TANC2: variants seen among roughly 807,000 people sequenced by gnomAD.
TANC2 encodes the protein tetratricopeptide repeat, ankyrin repeat and coiled-coil containing 2.
In TANC2, 26 loss-of-function variants were observed where a neutral mutation model predicts 210.5. The ratio of observed to expected loss-of-function variants is 0.12; its 90% confidence interval spans 0.09 to 0.17. The LOEUF (loss-of-function observed/expected upper bound fraction) is 0.17, where lower values mean the gene tolerates loss of function less well. Among genes scored for constraint, TANC2 ranks in the 10% least tolerant of loss-of-function variants. The pLI is 1.00. For synonymous variants in TANC2, 931 were observed against 967.1 expected (o/e 0.96, Z 0.69); for missense variants, 2,129 against 2,608.9 (o/e 0.82, Z 4.01).
chr17:63,321,849 G>A (rs1329893510), intron 11 of TANC2, among the ~76,000 whole-genome samples: 3 of 152,134 alleles, frequency 2.0e-5, no homozygotes, highest in African/African-American at 7.2e-5. Context: ...GGGCAGGGCA[G>A]GGATGGGAAT....
chr17:63,417,187 G>A (rs1185518613), intron 26 of TANC2, among the ~76,000 whole-genome samples: 1 of 152,118 alleles, frequency 6.6e-6, no homozygotes, highest in Non-Finnish European at 1.5e-5. Context: ...AACACCAGAC[G>A]TCTGTCTTCT....
chr17:63,381,342 C>G (rs926914505), intron 15 of TANC2: 1 of 152,176 alleles, frequency 6.6e-6, no homozygotes, highest in Admixed American at 6.5e-5. Flanking sequence ...CTCTAGTGTA[C>G]AGCATATGGT....
intron 21 of TANC2, among the ~76,000 whole-genome samples, chr17:63,407,098 G>A (rs974231118): frequency 3.3e-5 from 5 of 152,188 alleles, no homozygotes; most frequent in African/African-American, 1.2e-4. Context: ...GAGCAGCTGA[G>A]GGTAGTTTAA....
chr17:63,420,907 G>A lies in TANC2; in HGVS notation c.5177G>A (p.Ser1726Asn), dbSNP rs369166403. 2.5e-6 allele frequency: 4 copies of A among 1,614,038 alleles called. No homozygotes were observed. Among genetic ancestry groups the A allele is most frequent in the Non-Finnish European group, 3.4e-6 (4 of 1,179,900 alleles). ...GGCCAAGTAGCCCATTCAATGGCCAGTAAATACCAGTCTTCACAAGGAGAC... is the reference window on the plus strand; with the variant it reads ...GGCCAAGTAGCCCATTCAATGGCCAATAAATACCAGTCTTCACAAGGAGAC... Residue 1726 changes from serine (S) to asparagine (N), a missense_variant, in exon 28 of 28, where the codon AGT becomes AAT. Around this residue, in one of 5 missense-constraint regions of TANC2, gnomAD observed 584 missense variants for 627.3 expected, o/e 0.93. Coordinates refer to ENST00000689528, the Ensembl canonical transcript of TANC2. The surrounding 1 kb of genome is among the most constrained non-coding windows in gnomAD (Gnocchi z 4.2).
chr17:63,111,600 A>T (rs948287230), intron 4 of TANC2, among the ~76,000 whole-genome samples: 2 of 151,926 alleles, frequency 1.3e-5, no homozygotes, highest in South Asian at 4.1e-4. Flanking sequence ...TTCATCTTTG[A>T]TTATTTCCCC....
intron 7 of TANC2, among the ~76,000 whole-genome samples, chr17:63,230,397 C>G (rs2042444459): frequency 6.6e-6 from 1 of 152,034 alleles, no homozygotes. Context: ...TGAGATCTTT[C>G]TAGCTTTCGA....
chr17:63,062,831 A>T (rs1034266575), intron 2 of TANC2, among the ~76,000 whole-genome samples: 20 of 152,158 alleles, frequency 1.3e-4, no homozygotes, highest in Non-Finnish European at 2.4e-4. Flanking sequence ...CTGTGACCAG[A>T]TGTGTGGGGG....
At chr17:63,318,766 C>T (rs559061857) in intron 10 of TANC2, among the ~76,000 whole-genome samples, 191 bp from the exon 11 acceptor site, 103 of 152,238 alleles carry the variant, frequency 6.8e-4, no homozygotes, top group Middle Eastern at 6.8e-3. Context: ...GTTGTTTCCA[C>T]TTTTGGCTAT....
intron 2 of TANC2, among the ~76,000 whole-genome samples, chr17:63,056,282 A>G (rs927493360): frequency 2.6e-5 from 4 of 151,016 alleles, no homozygotes; most frequent in Admixed American, 6.6e-5. Context: ...GACGACTTTT[A>G]TGATTAGTTT....
intron 12 of TANC2, among the ~76,000 whole-genome samples, chr17:63,348,055 A>G (rs1027891689): frequency 3.3e-5 from 5 of 152,232 alleles, no homozygotes; most frequent in African/African-American, 7.2e-5. Flanking sequence ...GATGTGAGCC[A>G]CCAGGCTCAG....
chr17:63,364,787 TAAAA>T (rs948340292), intron 14 of TANC2, among the ~76,000 whole-genome samples: 1 of 142,436 alleles, frequency 7.0e-6, no homozygotes, highest in Non-Finnish European at 1.5e-5. Context: ...CCCTGACTCT[TAAAA>T]AAAAAAAAAA....
At chr17:63,347,278 C>T (rs761489314) in intron 12 of TANC2, among the ~76,000 whole-genome samples, 37 of 152,044 alleles carry the variant, frequency 2.4e-4, no homozygotes, top group Non-Finnish European at 3.8e-4. Context: ...GTCTCAGAAA[C>T]GTGTTAGGCA....
intron 4 of TANC2, among the ~76,000 whole-genome samples, chr17:63,119,628 G>A (rs574292285): frequency 3.3e-5 from 5 of 152,274 alleles, no homozygotes; most frequent in East Asian, 1.9e-4. Flanking sequence ...TACATTATAA[G>A]TTAATGCTTC....
chr17:63,110,294 T>G (rs889555878), intron 4 of TANC2, among the ~76,000 whole-genome samples: 1 of 151,668 alleles, frequency 6.6e-6, no homozygotes, highest in Non-Finnish European at 1.5e-5. Context: ...GGGTCTGGAT[T>G]TTGATTATGT....
At chr17:63,148,416 G>A (rs2039534481) in intron 4 of TANC2, 1 of 152,142 alleles carries the variant, frequency 6.6e-6, no homozygotes, top group African/African-American at 2.4e-5. Context: ...CTGAGGCTTG[G>A]TAAGGCTAAA....
At chr17:63,183,211 A>T (rs916793703) in intron 5 of TANC2, among the ~76,000 whole-genome samples, 1 of 152,230 alleles carries the variant, frequency 6.6e-6, no homozygotes, top group African/African-American at 2.4e-5. Context: ...CTGCTTTTCC[A>T]TTGTGTCTGA....
chr17:62,987,950 A>G (rs1255861785), intron 1 of TANC2, among the ~76,000 whole-genome samples: 1 of 152,176 alleles, frequency 6.6e-6, no homozygotes, highest in Non-Finnish European at 1.5e-5. Flanking sequence ...CATGATTAAA[A>G]AGGCATGTTA....
intron 11 of TANC2, chr17:63,331,852 GTGTC>G (rs1214369134): frequency 2.0e-3 from 296 of 150,176 alleles, no homozygotes; most frequent in Non-Finnish European, 2.5e-3. Context: ...GTGTGTGTGT[GTGTC>G]TGTGTGTGTG....
At chr17:63,158,090 G>A (rs575623222) in intron 5 of TANC2, among the ~76,000 whole-genome samples, 9 of 152,262 alleles carry the variant, frequency 5.9e-5, no homozygotes, top group African/African-American at 9.6e-5. Flanking sequence ...GTGTGTATGC[G>A]TGTTTATTTT....
Sources: allele counts gnomAD v4.1 joint callset (sites outside exome capture counted in the v4.1 genomes callset), GRCh38; gene constraint gnomAD v4.1.1; regional missense constraint gnomAD v4.1.1; non-coding constraint Gnocchi (gnomAD v3.1); transcripts MANE v1.5; gene names NCBI Gene and HGNC (gene_info 2026-07-23, HGNC 2026-07-21).